PYY: variants seen among roughly 807,000 people sequenced by gnomAD.
PYY encodes peptide YY, also known as peptide tyrosine tyrosine.
A neutral mutation model predicts 10.3 loss-of-function variants in PYY; 12 were observed. The ratio of observed to expected loss-of-function variants is 1.17; its 90% CI spans 0.75 to 1.89. The LOEUF (loss-of-function observed/expected upper bound fraction) is 1.89, where lower values mean the gene tolerates loss of function less well. PYY is among the 40% of genes most tolerant of loss of function. The pLI, the probability that PYY is intolerant of heterozygous loss-of-function variation, is 0.00. For synonymous variants in PYY, 66 were observed against 62.0 expected, an observed-to-expected ratio of 1.06 and a Z score of -0.30; for missense variants, 141 against 134.0, an observed-to-expected ratio of 1.05 and a Z score of -0.26.
At chr17:43,962,371 GTGA>G (rs919258423) in intron 2 of PYY, among the ~76,000 whole-genome samples, 98 of 152,226 alleles carry the variant, frequency 6.4e-4, no homozygotes, top group African/African-American at 2.3e-3. Flanking sequence ...AGTGTACAAT[GTGA>G]TGATTTGATA....
Position 43,953,106 on chromosome 17 carries a change from T to C in PYY, c.269+3A>G. 6.2e-7 allele frequency: 1 copy of C among 1,613,884 alleles called. No homozygotes were observed. The highest frequency in any genetic ancestry group is 8.5e-7 in the Non-Finnish European group (1 of 1,179,868). ...CAGGATGTGTGGTAACGGGCGCTTT[T>C]ACCGCGACCTGACGGGGCGGTCCTC... On this transcript the variant is annotated splice_donor_region_variant and intron_variant, in intron 3 of 3. Transcript: ENST00000692052.
chr17:43,988,047 G>A (rs1255500234), intron 1 of PYY, among the ~76,000 whole-genome samples: 4 of 152,014 alleles, frequency 2.6e-5, no homozygotes, highest in East Asian at 1.9e-4. Flanking sequence ...ACAGCCACAC[G>A]CCATCCCACT....
At chr17:43,976,228 T>TACGTGTATATAC (rs1567932156) in intron 1 of PYY, among the ~76,000 whole-genome samples, 1 of 143,932 alleles carries the variant, frequency 6.9e-6, no homozygotes, top group Admixed American at 6.8e-5. Context: ...TATACATATA[T>TACGTGTATATAC]ACATATGCGT....
chr17:43,953,194 G>A lies in PYY; in HGVS notation c.189-5C>T. On this transcript the variant is annotated splice_polypyrimidine_tract_variant and splice_region_variant and intron_variant, in intron 2 of 3. Coordinates refer to ENST00000692052, the MANE Select transcript of PYY (RefSeq NM_001394028.1). ...GGGCCGTCTCTTTTCCCATACCTGG[G>A]GGCGGGGAAGGGAAGAGCGTGGTCA... 1 of 1,613,852 alleles carries A rather than the reference G, an allele frequency of 6.2e-7. No individual in the cohort carries two copies. The highest frequency in any genetic ancestry group is 8.5e-7 in the Non-Finnish European group (1 of 1,179,780).
chr17:44,000,945 G>A (rs1026122015), intron 1 of PYY, among the ~76,000 whole-genome samples: 2 of 152,086 alleles, frequency 1.3e-5, no homozygotes, highest in African/African-American at 4.8e-5. Context: ...ATTCCTCTAC[G>A]TACAGATGAG....
chr17:43,959,638 C>A (rs1236270467), intron 2 of PYY, among the ~76,000 whole-genome samples: 1 of 152,190 alleles, frequency 6.6e-6, no homozygotes, highest in Non-Finnish European at 1.5e-5. Context: ...GCCAAGATCG[C>A]TCCACAGCGC....
intron 2 of PYY, among the ~76,000 whole-genome samples, chr17:43,960,962 C>G (rs766882573): frequency 3.9e-5 from 6 of 151,980 alleles, no homozygotes; most frequent in Non-Finnish European, 7.4e-5. Flanking sequence ...TGGCCCACAC[C>G]TGTAATCTCA....
At chr17:43,996,504 AC>A (rs2048993178) in intron 1 of PYY, among the ~76,000 whole-genome samples, 1 of 152,032 alleles carries the variant, frequency 6.6e-6, no homozygotes, top group South Asian at 2.1e-4. Context: ...TCACTCTGTC[AC>A]CCAGGCTGGA....
intron 1 of PYY, among the ~76,000 whole-genome samples, chr17:43,970,201 TAAAAAAAAA>T (rs59609569): frequency 2.7e-4 from 26 of 95,590 alleles, no homozygotes; most frequent in South Asian, 1.4e-3. Context: ...CCCTGTCTCT[TAAAAAAAAA>T]AAAAAAAAAA....
rs1022616300 is a variant in PYY, at chr17:43,952,873, G to A, written c.*83C>T. The A allele has an allele frequency of 1.4e-6, 2 of 1,430,292 alleles. No individual in the cohort carries two copies. Among genetic ancestry groups the A allele is most frequent in the African/African-American group, 1.5e-5 (1 of 67,794 alleles). 88.6% of individuals were successfully genotyped at this position (1,430,292 alleles called of 1,614,324 possible). On this transcript the variant is annotated 3_prime_UTR_variant, in exon 4 of 4. Coordinates refer to ENST00000692052, the MANE Select transcript of PYY (RefSeq NM_001394028.1). The stretch of plus-strand genomic sequence containing the variant: ...GCCCAGACGCCGCCGTCGGGAGGCA[G>A]AATCCGGGTTTCTGGGGTCGGGAGT...
At chr17:43,965,541 G>A (rs1483869837) in intron 2 of PYY, among the ~76,000 whole-genome samples, 1 of 150,080 alleles carries the variant, frequency 6.7e-6, no homozygotes, top group African/African-American at 2.5e-5. Context: ...TGTAATCTCA[G>A]CACTTTGGGA....
chr17:43,959,325 T>C (rs2048696084), intron 2 of PYY, among the ~76,000 whole-genome samples: 1 of 152,242 alleles, frequency 6.6e-6, no homozygotes, highest in Admixed American at 6.5e-5. Context: ...ATTTCCAATA[T>C]AGTTTGAATG....
At chr17:43,963,624 A>AAG (rs1555617149) in intron 2 of PYY, among the ~76,000 whole-genome samples, 2 of 55,312 alleles carry the variant, frequency 3.6e-5, no homozygotes, top group African/African-American at 1.0e-4. Context: ...GAAAGAAAGA[A>AAG]AGAGAAAGAA....
upstream of PYY, among the ~76,000 whole-genome samples, chr17:43,957,195 CCA>C (rs2048678510): frequency 7.3e-6 from 1 of 137,148 alleles, no homozygotes; most frequent in African/African-American, 2.9e-5. Context: ...GAAACTGTCT[CCA>C]AAAAAAAAAA....
At chr17:43,982,418 G>C (rs1334563056) in intron 1 of PYY, among the ~76,000 whole-genome samples, 1 of 152,260 alleles carries the variant, frequency 6.6e-6, no homozygotes, top group Non-Finnish European at 1.5e-5. Flanking sequence ...ACTGATTGAG[G>C]AAGGACAGTA....
chr17:43,974,167 G>A (rs1401994632), intron 1 of PYY, among the ~76,000 whole-genome samples: 2 of 151,858 alleles, frequency 1.3e-5, no homozygotes, highest in South Asian at 2.1e-4. Context: ...CCATTTACAT[G>A]GGATAAAGGT....
chr17:43,980,156 C>CT (rs569138857), intron 1 of PYY, among the ~76,000 whole-genome samples: 1,548 of 100,606 alleles, frequency 0.015, 79 homozygotes, highest in African/African-American at 0.048. Context: ...TCCCCTCCAC[C>CT]TTTTTTTTTT....
intron 1 of PYY, among the ~76,000 whole-genome samples, chr17:43,995,714 G>A (rs1485678104): frequency 1.3e-5 from 2 of 151,500 alleles, no homozygotes; most frequent in African/African-American, 4.8e-5. Context: ...GGCGCCTGTA[G>A]TCCCAGCTAC....
At chr17:43,984,318 C>A (rs934404984) in intron 1 of PYY, among the ~76,000 whole-genome samples, 1 of 152,226 alleles carries the variant, frequency 6.6e-6, no homozygotes, top group East Asian at 1.9e-4. Flanking sequence ...ACAGCCAGGG[C>A]CCCACCTCTT....
Sources: gnomAD v4.1 joint callset for allele counts (sites outside exome capture counted in the v4.1 genomes callset) on GRCh38, gnomAD v4.1.1 for gene constraint, MANE v1.5 for transcripts, NCBI Gene and HGNC (gene_info 2026-07-23, HGNC 2026-07-21) for gene names.